Variants in NUP160 observed in about 807,000 individuals in gnomAD.
NUP160 encodes nuclear pore complex protein Nup160.
A neutral mutation model predicts 196.9 loss-of-function variants in NUP160; 94 were observed. The observed-to-expected ratio is 0.48, with a 90% confidence interval of 0.40 to 0.57. NUP160 has a LOEUF of 0.57. Among genes scored for constraint, NUP160 ranks in the 20% least tolerant of loss-of-function variants. The pLI, the probability that NUP160 is intolerant of heterozygous loss-of-function variation, is 0.00. For missense variants in NUP160, 1,638 were observed against 1,748.3 expected (o/e 0.94, Z 1.13); for synonymous variants, 605 against 619.7 (o/e 0.98, Z 0.35).
Position 47,786,629 on chromosome 11 carries a change from G to A in NUP160, c.3747-75C>T, listed in dbSNP as rs2135344338. The stretch of plus-strand genomic sequence containing the variant: ...ACTTTAATTTGATACTAAAACTAGA[G>A]AGATAGATGACAACTTCATCTCTAG... On this transcript the variant is annotated intron_variant, in intron 31 of 35. Coordinates refer to ENST00000378460, the Ensembl canonical transcript of NUP160. The A allele has an allele frequency of 1.9e-5, 17 of 875,682 alleles. No homozygotes were observed. The South Asian group carries it at 2.3e-4, about 12-fold the overall frequency. 54.2% of individuals were successfully genotyped at this position (875,682 alleles called of 1,614,324 possible).
At chr11:47,802,244 A>G (rs2097674589) in intron 22 of NUP160, among the ~76,000 whole-genome samples, 1 of 151,968 alleles carries the variant, frequency 6.6e-6, no homozygotes, top group South Asian at 2.1e-4. Flanking sequence ...CAGCCTGACC[A>G]ACACGGTGAA....
At chr11:47,810,990 T>C (rs961480252) in intron 17 of NUP160, among the ~76,000 whole-genome samples, 1 of 152,174 alleles carries the variant, frequency 6.6e-6, no homozygotes, top group Admixed American at 6.6e-5. Flanking sequence ...CAGGCTCAAA[T>C]GAGATTACTG....
intron 27 of NUP160, among the ~76,000 whole-genome samples, chr11:47,795,757 A>C (rs1032011133): frequency 9.9e-5 from 15 of 152,184 alleles, no homozygotes; most frequent in African/African-American, 3.6e-4. Context: ...ATCAAAGGCA[A>C]AGTGAGGCTC....
chr11:47,806,842 C>CAT (rs2097677997), intron 19 of NUP160, among the ~76,000 whole-genome samples: 6 of 103,362 alleles, frequency 5.8e-5, no homozygotes, highest in African/African-American at 2.2e-4. Context: ...CACACACACA[C>CAT]ACACACACAC....
chr11:47,796,262 A>C, intron 27 of NUP160: 1 of 680,526 alleles, frequency 1.5e-6, no homozygotes, highest in Non-Finnish European at 2.7e-6. Flanking sequence ...CAGTAGGATC[A>C]ATCAGAAAGC....
At chr11:47,802,052 C>CTATGTA (rs1231643266) in intron 22 of NUP160, 122 bp from the exon 23 acceptor site, 1 of 816,612 alleles carries the variant, frequency 1.2e-6, no homozygotes. Context: ...ATGGTCTACT[C>CTATGTA]TATGTATAGT....
chr11:47,792,017 CTG>C, intron 28 of NUP160, 27 bp from the exon 29 acceptor site: 1 of 1,505,482 alleles, frequency 6.6e-7, no homozygotes, highest in Non-Finnish European at 9.2e-7. Flanking sequence ...AGCAATTTAA[CTG>C]TGAAAATCAG....
intron 28 of NUP160, chr11:47,792,502 G>A (rs1002397438): frequency 7.6e-5 from 23 of 303,292 alleles, no homozygotes; most frequent in Non-Finnish European, 1.1e-4. Flanking sequence ...CGTATTTTAT[G>A]CCAGAGAATG....
chr11:47,785,150 CT>C (rs898016461), intron 32 of NUP160, 87 bp from the exon 33 acceptor site: 30 of 621,128 alleles, frequency 4.8e-5, no homozygotes, highest in Non-Finnish European at 6.6e-5. Flanking sequence ...ACAAGGAAAA[CT>C]TTTTTTTCAG....
chr11:47,794,931 A>G (rs764349487), intron 27 of NUP160, among the ~76,000 whole-genome samples: 3 of 151,682 alleles, frequency 2.0e-5, no homozygotes, highest in Non-Finnish European at 2.9e-5. Context: ...ACAAACAAAC[A>G]AAAACAAAAC....
exon 20 of NUP160, chr11:47,806,171 C>T (rs781243824): frequency 1.2e-6 from 2 of 1,614,008 alleles, no homozygotes; most frequent in South Asian, 2.2e-5. Flanking sequence ...CAATAAATAA[C>T]TGGTAATTGC....
Position 47,821,824 on chromosome 11 carries a change from A to G in NUP160, c.1180-3T>C. The G allele has an allele frequency of 2.5e-6, 4 of 1,610,454 alleles. No homozygotes were observed. Among genetic ancestry groups the G allele is most frequent in the Middle Eastern group, 1.7e-4 (1 of 6,058 alleles). ...AAGGCAAAGTCAATCAGTGTCTCCT[A>G]GGAGGAAATGTGGGAAAAAAAGGGA... On this transcript the variant is annotated splice_region_variant and splice_polypyrimidine_tract_variant and intron_variant, in intron 8 of 35. Transcript: ENST00000378460.
At chr11:47,802,075 T>G (rs968438358) in intron 22 of NUP160, 145 bp from the exon 23 acceptor site, 1 of 671,354 alleles carries the variant, frequency 1.5e-6, no homozygotes, top group African/African-American at 1.8e-5. Context: ...CTGACACATA[T>G]GAATTCTATG....
At chr11:47,792,075 T>C in intron 28 of NUP160, 85 bp from the exon 29 acceptor site, 1 of 919,390 alleles carries the variant, frequency 1.1e-6, no homozygotes, top group South Asian at 1.6e-5. Flanking sequence ...CTTTTATGCT[T>C]AAATTTTCTC....
chr11:47,832,910 C>T (rs2135395803), intron 7 of NUP160, among the ~76,000 whole-genome samples: 1 of 152,234 alleles, frequency 6.6e-6, no homozygotes, highest in East Asian at 1.9e-4. Flanking sequence ...TTATATGATT[C>T]CACTGACATA....
chr11:47,794,290 G>A (rs1045664721), intron 27 of NUP160, among the ~76,000 whole-genome samples: 2 of 152,002 alleles, frequency 1.3e-5, no homozygotes, highest in East Asian at 3.9e-4. Context: ...TCAGGAGATC[G>A]AGACCATCCT....
intron 7 of NUP160, among the ~76,000 whole-genome samples, chr11:47,823,642 C>T (rs1355147086): frequency 1.3e-5 from 2 of 152,114 alleles, no homozygotes; most frequent in Admixed American, 6.5e-5. Context: ...TCCTGCCATT[C>T]TCCTGCCTCA....
chr11:47,841,307 G>T (rs974089055), intron 2 of NUP160: 9 of 305,790 alleles, frequency 2.9e-5, no homozygotes, highest in African/African-American at 1.8e-4. Context: ...AGGGTTTTTA[G>T]AACTTCAGCC....
intron 18 of NUP160, 89 bp downstream of exon 18, chr11:47,808,307 A>C: frequency 1.5e-6 from 2 of 1,302,062 alleles, no homozygotes; most frequent in Non-Finnish European, 2.1e-6. Flanking sequence ...AACAAAAACA[A>C]AACACTAAAA....
Sources: allele counts gnomAD v4.1 joint callset (sites outside exome capture counted in the v4.1 genomes callset), GRCh38; gene constraint gnomAD v4.1.1; transcripts MANE v1.5; gene names NCBI Gene and HGNC (gene_info 2026-07-23, HGNC 2026-07-21).